NAALADL2: variants seen among roughly 807,000 people sequenced by gnomAD.
NAALADL2 encodes the protein inactive N-acetylated-alpha-linked acidic dipeptidase-like protein 2.
A neutral mutation model predicts 87.2 loss-of-function variants in NAALADL2; 76 were observed. The observed-to-expected ratio is 0.87, with a 90% CI of 0.72 to 1.05. The LOEUF is 1.05. Among genes scored for constraint, NAALADL2 ranks in the 50% least tolerant of loss-of-function variants. NAALADL2 has a pLI of 0.00. For synonymous variants in NAALADL2, 354 were observed against 331.0 expected (o/e 1.07, Z -0.75); for missense variants, 1,089 against 945.8 (o/e 1.15, Z -1.99).
At chr3:174,932,216 C>A (rs1737001908) in intron 1 of NAALADL2, among the ~76,000 whole-genome samples, 1 of 152,094 alleles carries the variant, frequency 6.6e-6, no homozygotes, top group African/African-American at 2.4e-5. Flanking sequence ...GCTGCATTAC[C>A]AGCTAGGATA....
intron 3 of NAALADL2, among the ~76,000 whole-genome samples, chr3:174,816,059 A>G (rs1462891230): frequency 6.6e-6 from 1 of 151,856 alleles, no homozygotes; most frequent in Non-Finnish European, 1.5e-5. Context: ...TAAAACAACA[A>G]CATTGGTCCT....
At chr3:175,026,707 A>G (rs1161041088) in intron 1 of NAALADL2, among the ~76,000 whole-genome samples, 2 of 151,922 alleles carry the variant, frequency 1.3e-5, no homozygotes, top group Non-Finnish European at 2.9e-5. Context: ...TCTTCCTGCT[A>G]CAGATGAAAA....
chr3:175,636,387 G>A (rs1582719242), intron 11 of NAALADL2, among the ~76,000 whole-genome samples: 1 of 152,046 alleles, frequency 6.6e-6, no homozygotes, highest in East Asian at 1.9e-4. Context: ...CTTTAAAGAG[G>A]TGGGTTACCC....
At chr3:174,513,724 A>C (rs1719751828) in intron 1 of NAALADL2, among the ~76,000 whole-genome samples, 1 of 152,206 alleles carries the variant, frequency 6.6e-6, no homozygotes, top group African/African-American at 2.4e-5. Context: ...TTCATTTACA[A>C]AATCTACCCA....
intron 11 of NAALADL2, among the ~76,000 whole-genome samples, chr3:175,657,160 G>A (rs1731585482): frequency 6.6e-6 from 1 of 152,160 alleles, no homozygotes; most frequent in Admixed American, 6.5e-5. Context: ...GAGTCAGGCT[G>A]TCTCTGATTT....
At chr3:175,394,772 G>C (rs184396198) in intron 5 of NAALADL2, among the ~76,000 whole-genome samples, 1 of 152,242 alleles carries the variant, frequency 6.6e-6, no homozygotes, top group East Asian at 1.9e-4. Context: ...TTCTGTTCAT[G>C]CTAATGCCTT....
chr3:175,338,614 AC>A (rs576018821), intron 5 of NAALADL2, among the ~76,000 whole-genome samples: 27,422 of 99,376 alleles, frequency 0.28, 6,022 homozygotes, highest in East Asian at 0.63. Flanking sequence ...AAAAAAAAAA[AC>A]ACCACAAACA....
intron 2 of NAALADL2, among the ~76,000 whole-genome samples, chr3:174,657,220 TTTGCCATG>T (rs1725044683): frequency 6.6e-6 from 1 of 151,770 alleles, no homozygotes; most frequent in Non-Finnish European, 1.5e-5. Context: ...AGAGGAGGGT[TTTGCCATG>T]TTGCCATGTT....
At chr3:175,082,183 C>T (rs1183513198) in intron 1 of NAALADL2, among the ~76,000 whole-genome samples, 1 of 152,156 alleles carries the variant, frequency 6.6e-6, no homozygotes, top group Non-Finnish European at 1.5e-5. Flanking sequence ...ACACCCAGTG[C>T]ACAGTCTTTA....
chr3:175,479,421 T>C (rs1726149037), intron 9 of NAALADL2, among the ~76,000 whole-genome samples: 1 of 151,834 alleles, frequency 6.6e-6, no homozygotes, highest in African/African-American at 2.4e-5. Context: ...AAATAGAACA[T>C]GCAGCCTTTT....
chr3:175,504,444 A>C, intron 9 of NAALADL2, among the ~76,000 whole-genome samples: 1 of 152,186 alleles, frequency 6.6e-6, no homozygotes, highest in East Asian at 1.9e-4. Flanking sequence ...TTCTGGAGAT[A>C]GGGTCTATAG....
intron 2 of NAALADL2, among the ~76,000 whole-genome samples, chr3:175,128,134 A>G (rs577261022): frequency 1.4e-3 from 213 of 152,298 alleles, no homozygotes; most frequent in African/African-American, 4.5e-3. Context: ...TCTCTCCTGG[A>G]AGAATTACAG....
At chr3:174,603,280 C>A (rs1260854159) in intron 2 of NAALADL2, among the ~76,000 whole-genome samples, 1 of 151,886 alleles carries the variant, frequency 6.6e-6, no homozygotes. Context: ...CAGCTTTGAT[C>A]TTATTACTTG....
chr3:175,709,373 C>T (rs1455897183), intron 11 of NAALADL2, among the ~76,000 whole-genome samples: 1 of 152,074 alleles, frequency 6.6e-6, no homozygotes, highest in Non-Finnish European at 1.5e-5. Context: ...TTCCAGAATA[C>T]TCCAAAGCCA....
At chr3:175,068,283 T>G (rs1714923398) in intron 1 of NAALADL2, among the ~76,000 whole-genome samples, 1 of 152,078 alleles carries the variant, frequency 6.6e-6, no homozygotes, top group Non-Finnish European at 1.5e-5. Flanking sequence ...AAAATTAGTT[T>G]TTACACTTCT....
chr3:174,469,919 C>T (rs1203024852), intron 1 of NAALADL2, among the ~76,000 whole-genome samples: 1 of 152,062 alleles, frequency 6.6e-6, no homozygotes, highest in African/African-American at 2.4e-5. Context: ...ATTTTTTTTA[C>T]ACAAACTGCT....
chr3:175,158,173 T>C (rs563009253), intron 2 of NAALADL2, among the ~76,000 whole-genome samples: 9 of 152,198 alleles, frequency 5.9e-5, no homozygotes, highest in East Asian at 1.9e-4. Context: ...ATGTGTAAGG[T>C]ACACTCAGAG....
intron 1 of NAALADL2, among the ~76,000 whole-genome samples, chr3:174,925,051 C>T (rs1560371392): frequency 6.6e-6 from 1 of 152,102 alleles, no homozygotes; most frequent in African/African-American, 2.4e-5. Context: ...GTTTCTTTTG[C>T]TGTGTGTAAG....
intron 1 of NAALADL2, among the ~76,000 whole-genome samples, chr3:174,875,372 A>G (rs1474773325): frequency 6.6e-6 from 1 of 152,126 alleles, no homozygotes; most frequent in Non-Finnish European, 1.5e-5. Context: ...TACTATGTAC[A>G]CACATACATA....
Sources: allele counts gnomAD v4.1 joint callset (sites outside exome capture counted in the v4.1 genomes callset), GRCh38; gene constraint gnomAD v4.1.1; transcripts MANE v1.5; gene names NCBI Gene and HGNC (gene_info 2026-07-23, HGNC 2026-07-21).